FAM204A: variants seen among roughly 807,000 people sequenced by gnomAD.
FAM204A encodes the protein protein FAM204A.
FAM204A carries 16 observed loss-of-function variants against 35.4 expected under a neutral mutation model. The observed-to-expected ratio is 0.45, with a 90% CI of 0.31 to 0.69. The LOEUF (loss-of-function observed/expected upper bound fraction) is 0.69, where lower values mean the gene tolerates loss of function less well. FAM204A is among the 30% of genes least tolerant of loss of function. The pLI, the probability that FAM204A is intolerant of heterozygous loss-of-function variation, is 0.07. For missense variants in FAM204A, 240 were observed against 265.7 expected (o/e 0.90, Z 0.67); for synonymous variants, 76 against 86.9 (o/e 0.88, Z 0.70).
intron 7 of FAM204A, among the ~76,000 whole-genome samples, chr10:118,313,758 T>C (rs557772965): frequency 7.2e-5 from 11 of 152,318 alleles, no homozygotes; most frequent in Admixed American, 3.3e-4. Context: ...ACTGAGACTA[T>C]ACTGTAAGAA....
chr10:118,312,327 T>C (rs1845965682), intron 7 of FAM204A, among the ~76,000 whole-genome samples: 2 of 152,148 alleles, frequency 1.3e-5, no homozygotes. Flanking sequence ...AAAGAAGAAA[T>C]GACCTAGAAG....
At chr10:118,320,027 C>A (rs1315166471) in intron 7 of FAM204A, among the ~76,000 whole-genome samples, 1 of 151,894 alleles carries the variant, frequency 6.6e-6, no homozygotes, top group African/African-American at 2.4e-5. Flanking sequence ...CTGAAATCAA[C>A]CTAAGCAATA....
intron 7 of FAM204A, among the ~76,000 whole-genome samples, chr10:118,312,651 G>A (rs1845971312): frequency 6.6e-6 from 1 of 152,302 alleles, no homozygotes; most frequent in Non-Finnish European, 1.5e-5. Flanking sequence ...GAACTACGGT[G>A]CCGAATTGGT....
intron 7 of FAM204A, among the ~76,000 whole-genome samples, chr10:118,313,409 A>T (rs143418634): frequency 6.6e-6 from 1 of 152,200 alleles, no homozygotes; most frequent in Non-Finnish European, 1.5e-5. Flanking sequence ...GACACAAATC[A>T]TTTCTGCTCA....
rs542965346 is a variant in FAM204A, at chr10:118,335,652, GA to G, written c.235-12del. On this transcript the variant is annotated splice_polypyrimidine_tract_variant and intron_variant, in intron 3 of 8. Transcript: ENST00000369183. Reference sequence around the variant, plus strand: ...CAATTCTTGAAATTTCTATGTAAAAGAAAAAAAAATTGAGAAGCAAATATAC... The same window carrying G: ...CAATTCTTGAAATTTCTATGTAAAAGAAAAAAAATTGAGAAGCAAATATAC... 79 of 1,557,808 alleles carry G rather than the reference GA, an allele frequency of 5.1e-5. No homozygotes were observed. The highest frequency in any genetic ancestry group is 1.3e-4 in the South Asian group (11 of 83,500).
intron 2 of FAM204A, among the ~76,000 whole-genome samples, chr10:118,341,049 G>A (rs1164236382): frequency 5.9e-5 from 9 of 152,160 alleles, no homozygotes; most frequent in Non-Finnish European, 1.3e-4. Flanking sequence ...TTTGAGTACA[G>A]AAAGCTATGC....
rs369173977 is a variant in FAM204A, at chr10:118,336,233, A to G, written c.183T>C (p.Asn61=). 1.9e-6 allele frequency: 3 copies of G among 1,613,930 alleles called. No individual in the cohort carries two copies. The highest frequency in any genetic ancestry group is 1.1e-5 in the South Asian group (1 of 91,076). ...TDEPKTETES[N]VNAYEECPSG... ...AAGGACACTCTTCATAGGCATTTAC[A>G]TTTGACTCTGTTTCAGTTTTTGGTT... The change falls in exon 3 of 9, where the codon AAT becomes AAC. Residue 61 remains asparagine (N), a synonymous_variant. Coordinates refer to ENST00000369183, the MANE Select transcript of FAM204A (RefSeq NM_022063.3).
intron 6 of FAM204A, among the ~76,000 whole-genome samples, chr10:118,326,683 T>A (rs976608051): frequency 6.6e-6 from 1 of 152,212 alleles, no homozygotes; most frequent in African/African-American, 2.4e-5. Flanking sequence ...ACTCCTGAAC[T>A]TGGCCAAAGC....
rs1054065204 is a variant in FAM204A at position 118,301,217 on chromosome 10, T to C, written c.*9640A>G. 3 of 152,214 alleles carry C rather than the reference T, an allele frequency of 2.0e-5. No individual in the cohort carries two copies. The highest frequency in any genetic ancestry group is 6.5e-5 in the Admixed American group (1 of 15,282). The allele number at this position is 152,214 out of a possible 1,614,324, so 9.4% of individuals were successfully genotyped here. A position where few individuals can be genotyped will look rare whatever the true frequency, so the allele number is the denominator to read the frequency against. ...ACGTACTGTGGAGTAATAACAACAT[T>C]AGTACTAACAAACACTTACACACTT... On this transcript the variant is annotated 3_prime_UTR_variant, in exon 9 of 9. Transcript: ENST00000369183.
At chr10:118,336,024 T>C in intron 3 of FAM204A, 158 bp downstream of exon 3, 1 of 774,380 alleles carries the variant, frequency 1.3e-6, no homozygotes, top group Non-Finnish European at 2.0e-6. Context: ...CGCAAGTATC[T>C]AAGTGGCCGA....
chr10:118,339,746 C>T (rs1846445020), intron 2 of FAM204A, among the ~76,000 whole-genome samples: 1 of 152,068 alleles, frequency 6.6e-6, no homozygotes, highest in Admixed American at 6.6e-5. Flanking sequence ...TCACTTTCTT[C>T]ATTTTACACA....
At chr10:118,332,173 G>GAAAAA (rs59564428) in intron 6 of FAM204A, among the ~76,000 whole-genome samples, 12 of 54,162 alleles carry the variant, frequency 2.2e-4, no homozygotes, top group African/African-American at 5.9e-4. Context: ...CTCTGTTTCA[G>GAAAAA]AAAAAAAAAA....
chr10:118,336,070 C>T, intron 3 of FAM204A, 112 bp downstream of exon 3: 21 of 1,240,338 alleles, frequency 1.7e-5, no homozygotes, highest in Non-Finnish European at 2.3e-5. Flanking sequence ...CTGAGTCCAT[C>T]TCCCTCCCTG....
chr10:118,311,948 A>G (rs1589718705), intron 7 of FAM204A, among the ~76,000 whole-genome samples: 1 of 151,904 alleles, frequency 6.6e-6, no homozygotes, highest in Non-Finnish European at 1.5e-5. Flanking sequence ...TGCCCCCCTT[A>G]CACCCACCTG....
intron 2 of FAM204A, among the ~76,000 whole-genome samples, chr10:118,338,302 A>G (rs1164190130): frequency 6.6e-6 from 1 of 152,208 alleles, no homozygotes; most frequent in East Asian, 1.9e-4. Context: ...ATCATGTAAA[A>G]TATGCCAATA....
Position 118,331,430 on chromosome 10 carries a change from C to T in FAM204A, c.453+3684G>A, listed in dbSNP as rs145243550. Among the ~76,000 whole-genome samples, 587 of 152,198 alleles carry T rather than the reference C, an allele frequency of 3.9e-3. 3 individuals are homozygous for T. The highest frequency in any genetic ancestry group is 0.026 in the South Asian group (125 of 4,816). The stretch of plus-strand genomic sequence containing the variant: ...GCCACAGGTGAAAAATTTATCTAAA[C>T]GAAGTATCTAACCCACGAGGCAACA... On this transcript the variant is annotated intron_variant, in intron 6 of 8. Coordinates refer to ENST00000369183, the MANE Select transcript of FAM204A (RefSeq NM_022063.3).
intron 7 of FAM204A, among the ~76,000 whole-genome samples, chr10:118,313,231 C>T (rs1273216059): frequency 6.6e-6 from 1 of 152,072 alleles, no homozygotes; most frequent in Non-Finnish European, 1.5e-5. Flanking sequence ...ATATCCAAAT[C>T]TCACTAGCTA....
At chr10:118,320,555 C>CAT (rs1554873655) in intron 7 of FAM204A, among the ~76,000 whole-genome samples, 15 of 152,008 alleles carry the variant, frequency 9.9e-5, no homozygotes. Context: ...ATTTTATACA[C>CAT]ATACACACAC....
intron 7 of FAM204A, 39 bp downstream of exon 7, chr10:118,326,115 A>G (rs1846193797): frequency 6.7e-7 from 1 of 1,498,386 alleles, no homozygotes; most frequent in Non-Finnish European, 9.2e-7. Flanking sequence ...ATTCTAGAAA[A>G]TTTGAAAATA....
Sources: gnomAD v4.1 joint callset for allele counts (sites outside exome capture counted in the v4.1 genomes callset) on GRCh38, gnomAD v4.1.1 for gene constraint, MANE v1.5 for transcripts, NCBI Gene and HGNC (gene_info 2026-07-23, HGNC 2026-07-21) for gene names.